PPARGC1A: variants seen among roughly 807,000 people sequenced by gnomAD.
PPARGC1A encodes PPARG coactivator 1 alpha.
PPARGC1A carries 25 observed loss-of-function variants against 88.7 expected under a neutral mutation model. That is an observed-to-expected ratio of 0.28 (90% CI 0.21 to 0.39). The LOEUF is 0.39. Among genes scored for constraint, PPARGC1A ranks in the 10% least tolerant of loss-of-function variants. PPARGC1A has a pLI of 1.00. For synonymous variants in PPARGC1A, 363 were observed against 355.6 expected, an observed-to-expected ratio of 1.02 and a Z score of -0.24; for missense variants, 880 against 968.7, an observed-to-expected ratio of 0.91 and a Z score of 1.22.
chr4:23,843,578 T>A (rs1727451256), intron 2 of PPARGC1A, among the ~76,000 whole-genome samples: 1 of 152,034 alleles, frequency 6.6e-6, no homozygotes, highest in Non-Finnish European at 1.5e-5. Context: ...ATGGATTTGT[T>A]GAAAACAAAT....
At chr4:24,194,165 G>A in the PPARGC1A span, among the ~76,000 whole-genome samples, 1 of 151,148 alleles carries the variant, frequency 6.6e-6, no homozygotes, top group Non-Finnish European at 1.5e-5. Flanking sequence ...TGAACAACAG[G>A]AAAAAGAAGC....
intron 3 of PPARGC1A, 24 bp from the exon 4 acceptor site, chr4:23,829,609 GA>G: frequency 6.2e-7 from 1 of 1,602,592 alleles, no homozygotes; most frequent in African/African-American, 1.3e-5. Flanking sequence ...CAGGGAAAGG[GA>G]AAAGCAAGTA....
intron 2 of PPARGC1A, among the ~76,000 whole-genome samples, chr4:23,852,651 C>T (rs530923791): frequency 1.3e-5 from 2 of 152,090 alleles, no homozygotes; most frequent in African/African-American, 4.8e-5. Flanking sequence ...TCATAGAAAT[C>T]CTAAAGCTTA....
At chr4:24,246,391 A>G in the PPARGC1A span, among the ~76,000 whole-genome samples, 1 of 152,166 alleles carries the variant, frequency 6.6e-6, no homozygotes, top group African/African-American at 2.4e-5. Flanking sequence ...TTGGAGGCTG[A>G]GTCAGGCGGA....
At chr4:23,837,043 A>G (rs981850875) in intron 2 of PPARGC1A, among the ~76,000 whole-genome samples, 8 of 152,152 alleles carry the variant, frequency 5.3e-5, no homozygotes, top group Non-Finnish European at 5.9e-5. Flanking sequence ...TAGGATTGCA[A>G]TTACACTCTG....
rs61019194 is a variant in PPARGC1A, at chr4:23,823,011, G to A, written c.877+1269C>T. Among the ~76,000 whole-genome samples the A allele has an allele frequency of 6.1e-3, 935 of 152,036 alleles. 13 individuals carry two copies. The highest frequency in any genetic ancestry group is 0.021 in the African/African-American group (882 of 41,484). ...TCATGCTACTTATCAATGTGTCTCA[G>A]TACCCCAATAGACTAAACAGTTCAT... On this transcript the variant is annotated intron_variant, in intron 7 of 12. Transcript: ENST00000264867.
At chr4:23,943,825 T>C in the PPARGC1A span, among the ~76,000 whole-genome samples, 6 of 152,340 alleles carry the variant, frequency 3.9e-5, no homozygotes, top group African/African-American at 4.8e-5. Context: ...ATTTCACCTC[T>C]GTGGCCTTGC....
At chr4:24,243,194 C>G in the PPARGC1A span, among the ~76,000 whole-genome samples, 7 of 152,188 alleles carry the variant, frequency 4.6e-5, no homozygotes, top group Non-Finnish European at 8.8e-5. Flanking sequence ...CTCAACATAT[C>G]ATCATGACCA....
At chr4:24,358,023 C>T in the PPARGC1A span, among the ~76,000 whole-genome samples, 1 of 152,184 alleles carries the variant, frequency 6.6e-6, no homozygotes, top group Non-Finnish European at 1.5e-5. Flanking sequence ...AAAGAGCTAA[C>T]ATTTAGGAGC....
the PPARGC1A span, among the ~76,000 whole-genome samples, chr4:24,268,125 T>G: frequency 1.3e-5 from 2 of 152,250 alleles, no homozygotes; most frequent in Non-Finnish European, 2.9e-5. Context: ...GTACATGGCA[T>G]GGATCCATGT....
At chr4:23,856,093 C>A (rs1298096923) in intron 2 of PPARGC1A, among the ~76,000 whole-genome samples, 1 of 152,180 alleles carries the variant, frequency 6.6e-6, no homozygotes, top group Non-Finnish European at 1.5e-5. Flanking sequence ...AAATGTGTTG[C>A]AATAGTTATA....
the PPARGC1A span, among the ~76,000 whole-genome samples, chr4:24,300,324 ATTTTTTTTTTTTTTTTTTTTTTT>A: frequency 6.0e-4 from 27 of 45,028 alleles, no homozygotes; most frequent in South Asian, 3.5e-3. Context: ...ATACAATAGC[ATTTTTTTTTTTTTTTTTTTTTTT>A]TTTTTTTTTT....
chr4:23,874,380 T>C (rs1232973672), intron 2 of PPARGC1A, among the ~76,000 whole-genome samples: 1 of 152,180 alleles, frequency 6.6e-6, no homozygotes, highest in Non-Finnish European at 1.5e-5. Flanking sequence ...CGATGACCTA[T>C]GTGAAAGCAG....
the PPARGC1A span, among the ~76,000 whole-genome samples, chr4:24,428,214 G>A: frequency 5.3e-5 from 8 of 152,046 alleles, no homozygotes; most frequent in East Asian, 3.9e-4. Flanking sequence ...TAGAACAGGC[G>A]TCTTCCTGAT....
chr4:24,464,022 T>C, the PPARGC1A span, among the ~76,000 whole-genome samples: 1 of 152,216 alleles, frequency 6.6e-6, no homozygotes, highest in Non-Finnish European at 1.5e-5. Flanking sequence ...GAAAGGGTTA[T>C]ATATGCAAAT....
At chr4:23,971,209 TAG>T in the PPARGC1A span, among the ~76,000 whole-genome samples, 1 of 152,138 alleles carries the variant, frequency 6.6e-6, no homozygotes, top group African/African-American at 2.4e-5. Flanking sequence ...CAAGAGTACT[TAG>T]AGATTTTTGG....
chr4:24,231,176 T>C, the PPARGC1A span, among the ~76,000 whole-genome samples: 1 of 152,032 alleles, frequency 6.6e-6, no homozygotes, highest in African/African-American at 2.4e-5. Context: ...TATGATTCAG[T>C]CCCTGCCTAC....
the PPARGC1A span, among the ~76,000 whole-genome samples, chr4:24,161,571 T>C: frequency 1.4e-4 from 22 of 152,018 alleles, no homozygotes; most frequent in Admixed American, 1.4e-3. Flanking sequence ...TGAGATACTA[T>C]GAGGGAATTA....
chr4:24,420,882 A>C, the PPARGC1A span, among the ~76,000 whole-genome samples: 1 of 152,222 alleles, frequency 6.6e-6, no homozygotes, highest in East Asian at 1.9e-4. Context: ...CCATGATCAA[A>C]GCACCAGCAG....
Sources: allele counts gnomAD v4.1 joint callset (sites outside exome capture counted in the v4.1 genomes callset), GRCh38; gene constraint gnomAD v4.1.1; transcripts MANE v1.5; gene names NCBI Gene and HGNC (gene_info 2026-07-23, HGNC 2026-07-21).